COL5A1: variants seen among roughly 807,000 people sequenced by gnomAD.
COL5A1 encodes collagen alpha-1(V) chain.
In COL5A1, 16 loss-of-function variants were observed where a neutral mutation model predicts 263.7. The observed-to-expected ratio is 0.06, with a 90% CI of 0.04 to 0.09. The LOEUF is 0.09. Among genes scored for constraint, COL5A1 ranks in the 10% least tolerant of loss-of-function variants. COL5A1 has a pLI of 1.00. For synonymous variants in COL5A1, 1,012 were observed against 1,004.5 expected (o/e 1.01, Z -0.14); for missense variants, 2,036 against 2,540.5 (o/e 0.80, Z 4.27).
chr9:134,708,145 T>C (rs933961138), intron 4 of COL5A1, among the ~76,000 whole-genome samples: 5 of 152,088 alleles, frequency 3.3e-5, no homozygotes, highest in African/African-American at 7.2e-5. Context: ...GGGGCACATT[T>C]GGGGGGCTGG....
At chr9:134,725,691 T>C (rs1202585643) in intron 4 of COL5A1, among the ~76,000 whole-genome samples, 1 of 152,260 alleles carries the variant, frequency 6.6e-6, no homozygotes, top group African/African-American at 2.4e-5. Context: ...TTTTCCCGGC[T>C]GACACAGTTA....
At chr9:134,827,549 T>G (rs796941478) in intron 63 of COL5A1, among the ~76,000 whole-genome samples, 13 of 152,314 alleles carry the variant, frequency 8.5e-5, no homozygotes, top group African/African-American at 3.1e-4. Flanking sequence ...CCTCTGCAAA[T>G]GGGTGGCCTT....
At chr9:134,727,930 G>A (rs565517369) in intron 5 of COL5A1, among the ~76,000 whole-genome samples, 3 of 152,276 alleles carry the variant, frequency 2.0e-5, no homozygotes, top group South Asian at 2.1e-4. Flanking sequence ...GCACACCCTC[G>A]CGGCACTGCA....
intron 5 of COL5A1, among the ~76,000 whole-genome samples, chr9:134,728,348 A>G (rs1341727102): frequency 6.6e-6 from 1 of 152,252 alleles, no homozygotes; most frequent in Non-Finnish European, 1.5e-5. Context: ...TGACGGCTGC[A>G]CAGACTGCCA....
In COL5A1 at chr9:134,782,719, G is replaced by A. The variant is rs781317910; in HGVS notation, c.2483G>A (p.Arg828Gln). The change falls in exon 29 of 66, where the codon CGG becomes CAG. Residue 828 changes from arginine to glutamine, a missense_variant and splice_region_variant. By Grantham distance (43) the Arg-to-Gln change is conservative (BLOSUM62 1). Transcript: ENST00000371817. ...GGAGACATGGGCATCAAGGGTGATC[G>A]GGTGAGCATCTCAGGTTTGGGATTT... ...FKGDMGIKGDRGEIGPPGPRG... is the reference protein window; with the variant it reads ...FKGDMGIKGDQGEIGPPGPRG... 16 of 1,614,012 alleles carry A rather than the reference G, an allele frequency of 9.9e-6. No individual in the cohort carries two copies. The highest frequency in any genetic ancestry group is 1.3e-5 in the African/African-American group (1 of 75,060).
rs2132871844 is a variant in COL5A1 at position 134,821,161 on chromosome 9, G to GGT, written c.4555-932_4555-931dup. ...GGGTCGTCGGAGGAGTGCCGCCCAG[G>GGT]GTGTGGTGGCCCGGCAACCACGAGA... On this transcript the variant is annotated intron_variant, in intron 58 of 65. Transcript: ENST00000371817. The surrounding 1 kb of genome is among the most constrained non-coding windows in gnomAD (Gnocchi z 4.2). Among the ~76,000 whole-genome samples, 1 of 152,236 alleles carries GGT rather than the reference G, an allele frequency of 6.6e-6. No homozygotes were observed. The highest frequency in any genetic ancestry group is 2.1e-4 in the South Asian group (1 of 4,818).
chr9:134,779,474 T>C (rs62574085), intron 27 of COL5A1, among the ~76,000 whole-genome samples: 2 of 152,200 alleles, frequency 1.3e-5, no homozygotes, highest in Non-Finnish European at 2.9e-5. Flanking sequence ...CACAGTATCA[T>C]CTCTTCATGT....
chr9:134,806,696 C>T (rs1270593770), intron 42 of COL5A1, among the ~76,000 whole-genome samples: 1 of 152,216 alleles, frequency 6.6e-6, no homozygotes, highest in Non-Finnish European at 1.5e-5. Flanking sequence ...CGGGCCACAG[C>T]TGCCCACTGT....
Position 134,843,777 on chromosome 9 carries a change from TGGAGTAATGTACA to T in COL5A1, c.*1475_*1487del. On this transcript the variant is annotated 3_prime_UTR_variant, in exon 66 of 66. Transcript: ENST00000371817. ...TCATGCCATGCGCTGCCTCGGTAGATGGAGTAATGTACAATGAACTCCATGAGTCTCTCCAGGG... is the reference window on the plus strand; with the variant it reads ...TCATGCCATGCGCTGCCTCGGTAGATATGAACTCCATGAGTCTCTCCAGGG... 6.5e-6 allele frequency: 1 copy of T among 152,822 alleles called. No homozygotes were observed. The highest frequency in any genetic ancestry group is 2.4e-5 in the African/African-American group (1 of 41,586). 9.5% of individuals were successfully genotyped at this position (152,822 alleles called of 1,614,324 possible).
At chr9:134,838,668 A>T (rs1839923315) in intron 65 of COL5A1, among the ~76,000 whole-genome samples, 1 of 152,196 alleles carries the variant, frequency 6.6e-6, no homozygotes, top group Admixed American at 6.5e-5. Context: ...AGGGATTGGG[A>T]TCACGGGGAT....
intron 2 of COL5A1, among the ~76,000 whole-genome samples, chr9:134,699,340 T>C (rs1833588568): frequency 6.6e-6 from 1 of 152,264 alleles, no homozygotes; most frequent in African/African-American, 2.4e-5. Flanking sequence ...ATTCTTTTGA[T>C]GAATTTCCAC....
Position 134,821,973 on chromosome 9 carries a change from G to T in COL5A1, c.4555-124G>T. On this transcript the variant is annotated intron_variant, in intron 58 of 65. Transcript: ENST00000371817. This position sits in a 1 kb window ranked among gnomAD's most constrained non-coding sequence, Gnocchi z 4.2. Reference sequence around the variant, plus strand: ...AAGCAGCCACAGGAGGCTGCTGAGGGGCCAAAGGGCATACCGTGGGGAAGG... The same window carrying T: ...AAGCAGCCACAGGAGGCTGCTGAGGTGCCAAAGGGCATACCGTGGGGAAGG... 2.3e-6 allele frequency: 2 copies of T among 855,804 alleles called. No homozygotes were observed. Among genetic ancestry groups the T allele is most frequent in the Non-Finnish European group, 4.0e-6 (2 of 498,034 alleles). The allele number at this position is 855,804 out of a possible 1,614,324, so 53.0% of individuals were successfully genotyped here. A position where few individuals can be genotyped will look rare whatever the true frequency, so the allele number is the denominator to read the frequency against.
chr9:134,654,817 G>T (rs1399235397), intron 1 of COL5A1, among the ~76,000 whole-genome samples: 6 of 131,454 alleles, frequency 4.6e-5, no homozygotes, highest in African/African-American at 1.2e-4. Context: ...TTAGGGCGGG[G>T]TTTGTAGTGC....
intron 1 of COL5A1, among the ~76,000 whole-genome samples, chr9:134,684,962 A>ATTCAT (rs1832965676): frequency 7.8e-6 from 1 of 128,934 alleles, no homozygotes; most frequent in Non-Finnish European, 1.7e-5. Flanking sequence ...CCATCCATCC[A>ATTCAT]CCATCCATCC....
intron 4 of COL5A1, among the ~76,000 whole-genome samples, chr9:134,722,105 G>C (rs1003935281): frequency 6.6e-6 from 1 of 152,224 alleles, no homozygotes; most frequent in African/African-American, 2.4e-5. Flanking sequence ...GCTCTTTCTA[G>C]TGTGAAAATC....
In COL5A1 at chr9:134,842,440, G is replaced by C. The variant is rs1437372972; in HGVS notation, c.*137G>C. On this transcript the variant is annotated 3_prime_UTR_variant, in exon 66 of 66. Coordinates refer to ENST00000371817, the MANE Select transcript of COL5A1 (RefSeq NM_000093.5). This position sits in a 1 kb window ranked among gnomAD's most constrained non-coding sequence, Gnocchi z 5.8. ...TCCCACCTGACTTCATCTACGCCTC[G>C]GCACCACGGGGTGTGGGACCCCAGC... The C allele has an allele frequency of 9.4e-7, 1 of 1,062,546 alleles. No homozygotes were observed. The highest frequency in any genetic ancestry group is 1.4e-5 in the South Asian group (1 of 70,530). 65.8% of individuals were successfully genotyped at this position (1,062,546 alleles called of 1,614,324 possible).
Position 134,835,213 on chromosome 9 carries a change from C to G in COL5A1, c.5370+9C>G, listed in dbSNP as rs1839808507. On this transcript the variant is annotated intron_variant, in intron 65 of 65. Transcript: ENST00000371817. Reference sequence around the variant, plus strand: ...TGGTGGACGGCTGTGCTGTGAGTATCCCGCGCCGCGCCCAGCACCCCTGCT... The same window carrying G: ...TGGTGGACGGCTGTGCTGTGAGTATGCCGCGCCGCGCCCAGCACCCCTGCT... The G allele has an allele frequency of 6.2e-7, 1 of 1,610,536 alleles. No individual in the cohort carries two copies. Among genetic ancestry groups the G allele is most frequent in the Non-Finnish European group, 8.5e-7 (1 of 1,177,816 alleles).
chr9:134,842,493 G>A lies in COL5A1; in HGVS notation c.*190G>A, dbSNP rs55748801. 6,149 of 684,656 alleles carry A rather than the reference G, an allele frequency of 9.0e-3. 70 individuals carry two copies. The highest frequency in any genetic ancestry group is 0.027 in the South Asian group (1,464 of 55,100). The allele number at this position is 684,656 out of a possible 1,614,324, so 42.4% of individuals were successfully genotyped here. A position where few individuals can be genotyped will look rare whatever the true frequency, so the allele number is the denominator to read the frequency against. On this transcript the variant is annotated 3_prime_UTR_variant, in exon 66 of 66. Transcript: ENST00000371817. The surrounding 1 kb of genome is among the most constrained non-coding windows in gnomAD (Gnocchi z 5.8). ...GGAGAGAACAGAGGGAAGGAGCCGC[G>A]CCCCCACCTGGAGCTGAATCACATG...
chr9:134,664,804 A>G (rs1276553850), intron 1 of COL5A1, among the ~76,000 whole-genome samples: 1 of 152,164 alleles, frequency 6.6e-6, no homozygotes, highest in African/African-American at 2.4e-5. Context: ...GCTCATGCCT[A>G]TATTTCCAGC....
Sources: gnomAD v4.1 joint callset for allele counts (sites outside exome capture counted in the v4.1 genomes callset) on GRCh38, gnomAD v4.1.1 for gene constraint, Gnocchi (gnomAD v3.1) non-coding constraint, MANE v1.5 for transcripts, NCBI Gene and HGNC (gene_info 2026-07-23, HGNC 2026-07-21) for gene names.